Variants in ANKRD36 observed in about 807,000 individuals in gnomAD.
The protein encoded by ANKRD36 is ankyrin repeat domain 36.
A neutral mutation model predicts 278.1 loss-of-function variants in ANKRD36; 179 were observed. That is an observed-to-expected ratio of 0.64 (90% CI 0.57 to 0.73). The LOEUF (loss-of-function observed/expected upper bound fraction) is 0.73, where lower values mean the gene tolerates loss of function less well. Among genes scored for constraint, ANKRD36 ranks in the 30% least tolerant of loss-of-function variants. ANKRD36 has a pLI of 0.00. For missense variants in ANKRD36, 1,159 were observed against 1,956.7 expected, an observed-to-expected ratio of 0.59 and a Z score of 7.69; for synonymous variants, 320 against 641.1, an observed-to-expected ratio of 0.50 and a Z score of 7.57.
intron 68 of ANKRD36, among the ~76,000 whole-genome samples, chr2:97,240,550 G>T (rs200875615): frequency 1.0e-5 from 1 of 100,314 alleles, no homozygotes; most frequent in African/African-American, 4.5e-5. Context: ...GCCTCTCAGC[G>T]TCATCACCCC....
chr2:97,139,968 G>A (rs548659621), intron 6 of ANKRD36, among the ~76,000 whole-genome samples: 2 of 151,930 alleles, frequency 1.3e-5, no homozygotes, highest in East Asian at 1.9e-4. Flanking sequence ...GGCCCTTGAA[G>A]AAAAAACACC....
At chr2:97,196,959 C>A (rs1268835554) in intron 42 of ANKRD36, among the ~76,000 whole-genome samples, 171 bp downstream of exon 42, 1 of 151,916 alleles carries the variant, frequency 6.6e-6, no homozygotes, top group Non-Finnish European at 1.5e-5. Context: ...TGGTCTGGAA[C>A]ATGATCTTCG....
rs137966030 is a variant in ANKRD36 at position 97,206,594 on chromosome 2, T to A, written c.3163+459T>A. Among the ~76,000 whole-genome samples, 308 of 151,512 alleles carry A rather than the reference T, an allele frequency of 2.0e-3. 3 individuals are homozygous for A. The Middle Eastern group carries it at 0.024, about 12-fold the overall frequency. ...AATCACTTTCCCAAAGAAGACGGAT[T>A]GTGAGGCAGGAAGGTGTGAAAAGAA... is the stretch of plus-strand genomic sequence containing the variant. On this transcript the variant is annotated intron_variant, in intron 52 of 75. Coordinates refer to ENST00000420699, the MANE Select transcript of ANKRD36 (RefSeq NM_001354587.1).
intron 48 of ANKRD36, among the ~76,000 whole-genome samples, chr2:97,203,373 G>T (rs1246773832): frequency 6.6e-6 from 1 of 151,858 alleles, no homozygotes; most frequent in Non-Finnish European, 1.5e-5. Context: ...GATAATTGAT[G>T]ATATTTTTAT....
At chr2:97,203,929 C>G in intron 48 of ANKRD36, 139 bp from the exon 49 acceptor site, 1 of 1,378,790 alleles carries the variant, frequency 7.3e-7, no homozygotes, top group South Asian at 1.4e-5. Flanking sequence ...CGTTCTAATC[C>G]CCAGACCAAA....
intron 58 of ANKRD36, among the ~76,000 whole-genome samples, chr2:97,211,996 GC>G (rs1424637850): frequency 6.6e-6 from 1 of 151,820 alleles, no homozygotes; most frequent in Non-Finnish European, 1.5e-5. Context: ...CACATAACAG[GC>G]TCAGGGGACA....
intron 28 of ANKRD36, among the ~76,000 whole-genome samples, chr2:97,185,058 G>A (rs2057105625): frequency 6.6e-6 from 1 of 151,718 alleles, no homozygotes; most frequent in African/African-American, 2.4e-5. Flanking sequence ...TATTCACATT[G>A]ATAGTAACAC....
intron 58 of ANKRD36, 86 bp downstream of exon 58, chr2:97,211,827 C>G: frequency 7.0e-7 from 1 of 1,418,564 alleles, no homozygotes; most frequent in African/African-American, 1.4e-5. Context: ...GGGGGTTCGT[C>G]AAGCCTTCAT....
At chr2:97,194,072 T>G (rs1329428246) in intron 38 of ANKRD36, among the ~76,000 whole-genome samples, 1 of 151,570 alleles carries the variant, frequency 6.6e-6, no homozygotes, top group Non-Finnish European at 1.5e-5. Flanking sequence ...GGTGGCAAGA[T>G]TGGATGAAGA....
At chr2:97,225,054 A>T (rs571811818) in intron 67 of ANKRD36, among the ~76,000 whole-genome samples, 175 bp downstream of exon 67, 28 of 151,848 alleles carry the variant, frequency 1.8e-4, no homozygotes, top group Admixed American at 1.6e-3. Context: ...ATAGTGTTGG[A>T]ATCTATAGCA....
intron 6 of ANKRD36, among the ~76,000 whole-genome samples, chr2:97,137,313 CT>C (rs967770874): frequency 1.3e-5 from 2 of 150,820 alleles, no homozygotes; most frequent in African/African-American, 2.4e-5. Flanking sequence ...CACTCAGCTA[CT>C]TTTTTTTTGT....
At position 97,198,938 on chromosome 2, in the gene ANKRD36, T is replaced by G. The variant is rs1575719212; in HGVS notation, c.2755+280T>G. On this transcript the variant is annotated intron_variant, in intron 44 of 75. Transcript: ENST00000420699. ...CTCCGGGGAACAACATAATTTTGCT[T>G]TAATTCTCCAGCTTGTTTTCAGTAA... Among the ~76,000 whole-genome samples the G allele has an allele frequency of 2.6e-5, 4 of 151,990 alleles. No homozygotes were observed. The South Asian group carries it at 8.4e-4, about 32-fold the overall frequency.
chr2:97,137,609 C>T (rs957972872), intron 6 of ANKRD36, among the ~76,000 whole-genome samples: 32 of 148,966 alleles, frequency 2.1e-4, no homozygotes, highest in Non-Finnish European at 4.2e-4. Context: ...ACACACACAC[C>T]GAGTATATGC....
intron 67 of ANKRD36, among the ~76,000 whole-genome samples, chr2:97,227,987 C>A (rs1418405110): frequency 1.3e-5 from 2 of 152,062 alleles, no homozygotes; most frequent in Admixed American, 1.3e-4. Flanking sequence ...GGATGAAGCC[C>A]ACTTGATCAT....
chr2:97,170,595 AG>A (rs1201796766), intron 22 of ANKRD36, among the ~76,000 whole-genome samples: 1 of 152,054 alleles, frequency 6.6e-6, no homozygotes, highest in Non-Finnish European at 1.5e-5. Flanking sequence ...AAACCATAAA[AG>A]CCCTAGAAGA....
At chr2:97,120,559 C>T (rs925015127) in intron 3 of ANKRD36, among the ~76,000 whole-genome samples, 3 of 150,384 alleles carry the variant, frequency 2.0e-5, no homozygotes, top group East Asian at 3.9e-4. Context: ...AACTAATTAT[C>T]CATTTGGTGA....
chr2:97,165,400 TA>T (rs2153503421), intron 20 of ANKRD36, among the ~76,000 whole-genome samples: 1 of 152,290 alleles, frequency 6.6e-6, no homozygotes, highest in African/African-American at 2.4e-5. Flanking sequence ...AAAATGAACA[TA>T]AATATGATGA....
Position 97,172,527 on chromosome 2 carries a change from C to CCCA in ANKRD36, c.1633+4761_1633+4763dup, listed in dbSNP as rs540239499. Among the ~76,000 whole-genome samples the CCCA allele has an allele frequency of 7.9e-5, 12 of 152,000 alleles. No homozygotes were observed. In the South Asian group the frequency reaches 2.5e-3, roughly 32 times the overall value. On this transcript the variant is annotated intron_variant, in intron 22 of 75. Coordinates refer to ENST00000420699, the MANE Select transcript of ANKRD36 (RefSeq NM_001354587.1). ...TCCTAGCAAGCATAGCTGTATCTCT[C>CCCA]CCATGGCTGTGTTGATTGCACCTGT...
At chr2:97,166,079 A>C (rs530152197) in intron 20 of ANKRD36, among the ~76,000 whole-genome samples, 2 of 126,912 alleles carry the variant, frequency 1.6e-5, no homozygotes, top group South Asian at 5.3e-4. Flanking sequence ...ATAACACATA[A>C]TGGTGTAATG....
Sources: gnomAD v4.1 joint callset for allele counts (sites outside exome capture counted in the v4.1 genomes callset) on GRCh38, gnomAD v4.1.1 for gene constraint, MANE v1.5 for transcripts, NCBI Gene and HGNC (gene_info 2026-07-23, HGNC 2026-07-21) for gene names.